Variants in NPAS3 observed in about 807,000 individuals in gnomAD.
The protein encoded by NPAS3 is neuronal PAS domain-containing protein 3.
NPAS3 carries 14 observed loss-of-function variants against 73.1 expected under a neutral mutation model. The observed-to-expected ratio is 0.19, with a 90% CI of 0.13 to 0.30. The LOEUF (loss-of-function observed/expected upper bound fraction) is 0.30. NPAS3 is among the 10% of genes least tolerant of loss of function. The pLI is 1.00. For synonymous variants in NPAS3, 620 were observed against 541.5 expected, an observed-to-expected ratio of 1.14 and a Z score of -2.01; for missense variants, 1,096 against 1,250.0, an observed-to-expected ratio of 0.88 and a Z score of 1.86.
At chr14:32,935,128 C>G, upstream of NPAS3, 1 of 366,950 alleles carries the variant, frequency 2.7e-6, no homozygotes, top group Non-Finnish European at 4.0e-6. Flanking sequence ...TTTGCCTGCC[C>G]CTCGTTCTAC....
chr14:33,665,323 A>G (rs1031432170), intron 5 of NPAS3, among the ~76,000 whole-genome samples: 1 of 152,168 alleles, frequency 6.6e-6, no homozygotes, highest in Admixed American at 6.5e-5. Context: ...GAGGGATAGC[A>G]TTAGGAGAAA....
At chr14:33,651,286 C>CAGTT (rs2058986315) in intron 5 of NPAS3, among the ~76,000 whole-genome samples, 1 of 152,184 alleles carries the variant, frequency 6.6e-6, no homozygotes, top group South Asian at 2.1e-4. Flanking sequence ...GTCCACTTTT[C>CAGTT]AGTTAGCACA....
At chr14:33,344,482 C>G (rs190912864) in intron 3 of NPAS3, among the ~76,000 whole-genome samples, 12 of 152,246 alleles carry the variant, frequency 7.9e-5, no homozygotes, top group East Asian at 5.8e-4. Flanking sequence ...CCTGTAATCT[C>G]CATGAAGGCA....
At chr14:33,145,731 T>C (rs1186663280) in intron 2 of NPAS3, among the ~76,000 whole-genome samples, 23 of 152,176 alleles carry the variant, frequency 1.5e-4, no homozygotes, top group Admixed American at 1.5e-3. Context: ...TATTCGTTTC[T>C]TTCCTTACCA....
intron 1 of NPAS3, among the ~76,000 whole-genome samples, chr14:33,049,661 G>C (rs1288723148): frequency 1.3e-5 from 2 of 152,190 alleles, no homozygotes; most frequent in Non-Finnish European, 2.9e-5. Context: ...GGAGCTACAA[G>C]ATGAGATTTG....
intron 3 of NPAS3, among the ~76,000 whole-genome samples, chr14:33,247,521 C>T (rs917785660): frequency 1.3e-5 from 2 of 152,092 alleles, no homozygotes; most frequent in Non-Finnish European, 2.9e-5. Context: ...ATGATCCTGG[C>T]GGTGCATGTG....
At chr14:33,375,305 A>G (rs776486478) in intron 4 of NPAS3, among the ~76,000 whole-genome samples, 1 of 152,184 alleles carries the variant, frequency 6.6e-6, no homozygotes, top group African/African-American at 2.4e-5. Context: ...CTTAATTGAT[A>G]CTGCTTGCCT....
intron 1 of NPAS3, among the ~76,000 whole-genome samples, chr14:32,988,916 G>A (rs892729548): frequency 2.0e-5 from 3 of 152,254 alleles, no homozygotes; most frequent in Admixed American, 6.5e-5. Flanking sequence ...CACTCAGTGC[G>A]TATTTATTGA....
chr14:33,279,751 T>C (rs911941131), intron 3 of NPAS3, among the ~76,000 whole-genome samples: 9 of 152,172 alleles, frequency 5.9e-5, no homozygotes, highest in African/African-American at 2.2e-4. Context: ...GAAAAATAGT[T>C]GGGATCTTGC....
chr14:33,111,500 T>C (rs895461617), intron 2 of NPAS3, among the ~76,000 whole-genome samples: 2 of 152,126 alleles, frequency 1.3e-5, no homozygotes, highest in African/African-American at 4.8e-5. Context: ...CACTTTATAA[T>C]TTATATCCCC....
intron 3 of NPAS3, among the ~76,000 whole-genome samples, chr14:33,319,774 G>A (rs1052755017): frequency 6.6e-6 from 1 of 152,124 alleles, no homozygotes; most frequent in African/African-American, 2.4e-5. Context: ...TGCCAACAGG[G>A]CCAAGGTTGA....
At chr14:33,232,283 T>A (rs886671522) in intron 3 of NPAS3, among the ~76,000 whole-genome samples, 12 of 152,206 alleles carry the variant, frequency 7.9e-5, no homozygotes, top group African/African-American at 2.9e-4. Context: ...GTGTGGGTGC[T>A]TTGGACGGAT....
At chr14:33,350,286 C>T (rs2044971295) in intron 3 of NPAS3, among the ~76,000 whole-genome samples, 3 of 152,218 alleles carry the variant, frequency 2.0e-5, no homozygotes, top group South Asian at 4.1e-4. Flanking sequence ...GAGGGAAATC[C>T]ACATTTCTCC....
intron 5 of NPAS3, among the ~76,000 whole-genome samples, chr14:33,603,634 G>A (rs1485346042): frequency 1.3e-5 from 2 of 152,128 alleles, no homozygotes; most frequent in Non-Finnish European, 2.9e-5. Flanking sequence ...ATTTCTCATA[G>A]GAAGTTGGGA....
intron 4 of NPAS3, among the ~76,000 whole-genome samples, chr14:33,513,852 C>T (rs564528740): frequency 7.2e-5 from 11 of 152,070 alleles, no homozygotes; most frequent in South Asian, 2.1e-4. Flanking sequence ...TTACTAGCCG[C>T]GATGAATGTA....
chr14:33,312,444 C>T (rs55825548), intron 3 of NPAS3, among the ~76,000 whole-genome samples: 3,974 of 151,752 alleles, frequency 0.026, 161 homozygotes, highest in African/African-American at 0.09. Context: ...ATAATCACAC[C>T]TGTAGGCTCT....
intron 2 of NPAS3, among the ~76,000 whole-genome samples, chr14:33,129,546 GTC>G (rs2043557307): frequency 6.6e-6 from 1 of 152,132 alleles, no homozygotes; most frequent in Non-Finnish European, 1.5e-5. Flanking sequence ...GTAAAGAAAT[GTC>G]TGTTATTGAA....
intron 4 of NPAS3, among the ~76,000 whole-genome samples, chr14:33,434,296 G>T (rs555109669): frequency 6.6e-6 from 1 of 152,294 alleles, no homozygotes; most frequent in South Asian, 2.1e-4. Flanking sequence ...GGAGGCCAAG[G>T]CAGGCAGATT....
rs79231556 is a variant in NPAS3 at position 33,420,682 on chromosome 14, A to T, written c.468+53414A>T. ...AAAGGTAAATTTTAGTCAAAATTCA[A>T]GTGGAAAGCATAGGAAATACTTAAG... On this transcript the variant is annotated intron_variant, in intron 4 of 11. Transcript: ENST00000356141. Among the ~76,000 whole-genome samples the T allele has an allele frequency of 4.4e-3, 668 of 152,060 alleles. 5 individuals carry two copies. The highest frequency in any genetic ancestry group is 0.016 in the African/African-American group (647 of 41,526).
Sources: allele counts gnomAD v4.1 joint callset (sites outside exome capture counted in the v4.1 genomes callset), GRCh38; gene constraint gnomAD v4.1.1; transcripts MANE v1.5; gene names NCBI Gene and HGNC (gene_info 2026-07-23, HGNC 2026-07-21).